The following SHLD2 variants were observed in gnomAD, a reference collection of about 807,000 sequenced individuals.
SHLD2 encodes shieldin complex subunit 2.
SHLD2 carries 30 observed loss-of-function variants against 73.2 expected under a neutral mutation model. That is an observed-to-expected ratio of 0.41 (90% CI 0.31 to 0.56). SHLD2 has a LOEUF of 0.56. SHLD2 is among the 20% of genes least tolerant of loss of function. The pLI is 0.28. For synonymous variants in SHLD2, 285 were observed against 370.1 expected, an observed-to-expected ratio of 0.77 and a Z score of 2.64; for missense variants, 745 against 1,055.9, an observed-to-expected ratio of 0.71 and a Z score of 4.08.
At chr10:87,141,058 T>C (rs1845156106) in intron 2 of SHLD2, among the ~76,000 whole-genome samples, 2 of 150,528 alleles carry the variant, frequency 1.3e-5, no homozygotes, top group South Asian at 4.2e-4. Flanking sequence ...GGTAGGATGA[T>C]CGCTTGAGCC....
At chr10:87,135,146 A>ATT (rs977341842) in intron 2 of SHLD2, among the ~76,000 whole-genome samples, 4 of 149,046 alleles carry the variant, frequency 2.7e-5, no homozygotes, top group African/African-American at 9.8e-5. Context: ...TATTTAATTT[A>ATT]TTTTTTTTTT....
At chr10:87,137,402 G>C (rs1246352657) in intron 2 of SHLD2, among the ~76,000 whole-genome samples, 1 of 151,548 alleles carries the variant, frequency 6.6e-6, no homozygotes, top group East Asian at 1.9e-4. Context: ...GAAGGGAGGG[G>C]AGGGAAGGGA....
At chr10:87,134,193 T>A (rs1032802904) in intron 2 of SHLD2, among the ~76,000 whole-genome samples, 2 of 152,180 alleles carry the variant, frequency 1.3e-5, no homozygotes, top group Admixed American at 6.5e-5. Flanking sequence ...TACAAAATTA[T>A]AAGATATTGC....
chr10:87,120,753 C>T (rs1216977467), intron 2 of SHLD2, among the ~76,000 whole-genome samples: 1 of 152,064 alleles, frequency 6.6e-6, no homozygotes, highest in East Asian at 1.9e-4. Flanking sequence ...TCCTTTGCAG[C>T]CCACACTTGA....
chr10:87,112,368 A>T (rs1249490964), intron 2 of SHLD2, among the ~76,000 whole-genome samples: 1 of 152,204 alleles, frequency 6.6e-6, no homozygotes, highest in East Asian at 1.9e-4. Context: ...AAATGCAAAT[A>T]AAAATCACAG....
chr10:87,100,247 T>G (rs1171322409), intron 2 of SHLD2, among the ~76,000 whole-genome samples: 1 of 152,190 alleles, frequency 6.6e-6, no homozygotes, highest in South Asian at 2.1e-4. Flanking sequence ...AGCTTTTACA[T>G]TTAGGTTTTT....
In SHLD2 at chr10:87,155,586, G is replaced by A. The variant is rs999694616; in HGVS notation, c.1526-2462G>A. Among the ~76,000 whole-genome samples the A allele has an allele frequency of 2.0e-4, 30 of 151,676 alleles. 1 individual carries two copies. On this transcript the variant is annotated intron_variant, in intron 3 of 9. Transcript: ENST00000298786. ...CAGAGCTGAAATCTAGTTTTGGAGT[G>A]TTAACAAAATTAAGTTTCCCAGACT...
chr10:87,132,095 A>G (rs1174965287), intron 2 of SHLD2, among the ~76,000 whole-genome samples: 3 of 152,158 alleles, frequency 2.0e-5, no homozygotes, highest in Non-Finnish European at 4.4e-5. Context: ...AGTTCTTTAT[A>G]CATTCTGGGT....
intron 6 of SHLD2, among the ~76,000 whole-genome samples, chr10:87,175,186 G>T (rs1847873930): frequency 6.7e-6 from 1 of 148,934 alleles, no homozygotes; most frequent in African/African-American, 2.5e-5. Flanking sequence ...AATGCTTTTT[G>T]TTCTAGAAAA....
intron 2 of SHLD2, among the ~76,000 whole-genome samples, chr10:87,100,193 T>C (rs1842174267): frequency 6.6e-6 from 1 of 152,250 alleles, no homozygotes; most frequent in African/African-American, 2.4e-5. Flanking sequence ...TTGGACTTCA[T>C]GAAGATTTAC....
chr10:87,120,661 CG>C (rs1843555255), intron 2 of SHLD2, among the ~76,000 whole-genome samples: 1 of 152,194 alleles, frequency 6.6e-6, no homozygotes. Context: ...TTTTCAAGTA[CG>C]TTCTTCTTTC....
At chr10:87,137,319 A>C (rs985596707) in intron 2 of SHLD2, among the ~76,000 whole-genome samples, 3 of 152,098 alleles carry the variant, frequency 2.0e-5, no homozygotes, top group African/African-American at 7.2e-5. Context: ...TTGAAATTCC[A>C]TTAAATAGAG....
At position 87,158,872 on chromosome 10, in the gene SHLD2, A is replaced by G. The variant is rs116955887; in HGVS notation, c.1633+717A>G. Among the ~76,000 whole-genome samples the G allele has an allele frequency of 3.9e-3, 591 of 152,298 alleles. 19 individuals carry two copies. The East Asian group carries it at 0.09, about 23-fold the overall frequency. On this transcript the variant is annotated intron_variant, in intron 4 of 9. Transcript: ENST00000298786. Reference sequence around the variant, plus strand: ...TACTTCCAGTCTTTGTCTTTAGGCAATGTATTTCACTTCACTATACTTTTG... The same window carrying G: ...TACTTCCAGTCTTTGTCTTTAGGCAGTGTATTTCACTTCACTATACTTTTG...
At chr10:87,113,869 G>A (rs1396675690) in intron 2 of SHLD2, 3 of 152,110 alleles carry the variant, frequency 2.0e-5, no homozygotes, top group South Asian at 2.1e-4. Context: ...GGCTGGGCGT[G>A]TTGGTACATG....
chr10:87,103,359 A>T (rs567007385), intron 2 of SHLD2, among the ~76,000 whole-genome samples: 2 of 152,218 alleles, frequency 1.3e-5, no homozygotes, highest in Admixed American at 6.5e-5. Context: ...CTATGGAAAC[A>T]GCATAGGCAA....
chr10:87,180,339 A>T (rs10887700), intron 8 of SHLD2, 36 bp downstream of exon 8: 889,091 of 1,583,380 alleles, frequency 0.56, 255,433 homozygotes, highest in South Asian at 0.65. Flanking sequence ...GATGGAAAAT[A>T]ATTATTATAG....
chr10:87,096,737 T>C (rs1476637139), intron 1 of SHLD2, among the ~76,000 whole-genome samples, 197 bp from the exon 2 acceptor site: 1 of 152,244 alleles, frequency 6.6e-6, no homozygotes, highest in Non-Finnish European at 1.5e-5. Flanking sequence ...ATTCATCTTT[T>C]AGAATATGGA....
At chr10:87,131,684 A>G (rs1242373867) in intron 2 of SHLD2, among the ~76,000 whole-genome samples, 10 of 152,146 alleles carry the variant, frequency 6.6e-5, no homozygotes, top group Admixed American at 6.5e-5. Context: ...CTGATGTACA[A>G]TTTTTTGGGG....
intron 2 of SHLD2, among the ~76,000 whole-genome samples, chr10:87,133,054 G>C (rs1160054269): frequency 6.6e-6 from 1 of 152,102 alleles, no homozygotes; most frequent in Non-Finnish European, 1.5e-5. Flanking sequence ...CACATAGTTG[G>C]CAAATGATGA....
Sources: allele counts gnomAD v4.1 joint callset (sites outside exome capture counted in the v4.1 genomes callset), GRCh38; gene constraint gnomAD v4.1.1; transcripts MANE v1.5; gene names NCBI Gene and HGNC (gene_info 2026-07-23, HGNC 2026-07-21).